Variants in SH2B3 observed in about 807,000 individuals in gnomAD.
SH2B3 encodes the protein SH2B adapter protein 3.
A neutral mutation model predicts 51.9 loss-of-function variants in SH2B3; 43 were observed. The ratio of observed to expected loss-of-function variants is 0.83; its 90% CI spans 0.65 to 1.07. The LOEUF (loss-of-function observed/expected upper bound fraction) is 1.07. Among genes scored for constraint, SH2B3 ranks in the 50% least tolerant of loss-of-function variants. The pLI is 0.00. For synonymous variants in SH2B3, 396 were observed against 376.0 expected (o/e 1.05, Z -0.62); for missense variants, 952 against 834.3 (o/e 1.14, Z -1.74).
At position 111,442,474 on chromosome 12, in the gene SH2B3, C is replaced by T. The variant is rs182823486; in HGVS notation, c.733-4279C>T. ...AGGCCTGTCCCACTGCTGCTGTACACCGATGAATGTGGGCTCAAAGGCTCT... is the reference window on the plus strand; with the variant it reads ...AGGCCTGTCCCACTGCTGCTGTACATCGATGAATGTGGGCTCAAAGGCTCT... On this transcript the variant is annotated intron_variant, in intron 2 of 7. Coordinates refer to ENST00000341259, the MANE Select transcript of SH2B3 (RefSeq NM_005475.3). 1.4e-3 allele frequency among the ~76,000 whole-genome samples: 212 copies of T among 152,286 alleles called. 1 individual carries two copies. The highest frequency in any genetic ancestry group is 3.7e-3 in the Admixed American group (56 of 15,300).
intron 2 of SH2B3, among the ~76,000 whole-genome samples, chr12:111,441,597 G>A (rs1378369243): frequency 6.6e-6 from 1 of 152,124 alleles, no homozygotes; most frequent in East Asian, 1.9e-4. Context: ...GACGCACCAC[G>A]TTTAAGGAGA....
intron 1 of SH2B3, among the ~76,000 whole-genome samples, chr12:111,413,491 G>A (rs1220287463): frequency 6.6e-6 from 1 of 152,202 alleles, no homozygotes; most frequent in Non-Finnish European, 1.5e-5. Context: ...GCCCAATGAG[G>A]GGGGTTCCCA....
chr12:111,417,069 TG>T (rs1178156706), intron 1 of SH2B3, among the ~76,000 whole-genome samples: 1 of 152,242 alleles, frequency 6.6e-6, no homozygotes, highest in Non-Finnish European at 1.5e-5. Context: ...TTCTGCCGTT[TG>T]CTTTTTCGCT....
intron 2 of SH2B3, among the ~76,000 whole-genome samples, chr12:111,425,812 C>T (rs1174435872): frequency 6.6e-6 from 1 of 152,110 alleles, no homozygotes; most frequent in Non-Finnish European, 1.5e-5. Context: ...CCCTGGGCAC[C>T]GCTGAGCCCC....
intron 2 of SH2B3, chr12:111,444,858 G>C (rs1328517837): frequency 2.0e-6 from 2 of 985,594 alleles, no homozygotes; most frequent in African/African-American, 3.5e-5. Context: ...CATACCACCA[G>C]GTAGCTGTGG....
chr12:111,418,164 C>CA lies in SH2B3; in HGVS notation c.20dup (p.Pro8AlafsTer24), dbSNP rs1476262682. 6.5e-7 allele frequency: 1 copy of CA among 1,535,826 alleles called. No individual in the cohort carries two copies. The highest frequency in any genetic ancestry group is 1.4e-5 in the African/African-American group (1 of 70,622). On this transcript the variant is annotated frameshift_variant, in exon 2 of 8. Transcript: ENST00000341259. LOFTEE classifies it high-confidence loss of function. The surrounding 1 kb of genome is among the most constrained non-coding windows in gnomAD (Gnocchi z 6.7). ...CTCCGCCATGAACGGGCCTGCCCTG[C>CA]AGCCCTCCTCGCCCTCTTCCGCGCC...
chr12:111,418,704 C>T lies in SH2B3; in HGVS notation c.559C>T (p.Leu187=). ...GLAKKFLPWS[L]AREPPPEALK... ...GGCCAAGAAGTTCCTGCCCTGGAGC[C>T]TGGCCCGGGAGCCGCCACCCGAGGC... The change falls in exon 2 of 8, where the codon CTG becomes TTG. Residue 187 remains leucine (L), a synonymous_variant. Coordinates refer to ENST00000341259, the MANE Select transcript of SH2B3 (RefSeq NM_005475.3). This position sits in a 1 kb window ranked among gnomAD's most constrained non-coding sequence, Gnocchi z 6.7. The T allele has an allele frequency of 1.3e-6, 2 of 1,486,580 alleles. No homozygotes were observed. Among genetic ancestry groups the T allele is most frequent in the Non-Finnish European group, 1.8e-6 (2 of 1,125,912 alleles). 92.1% of individuals were successfully genotyped at this position (1,486,580 alleles called of 1,614,324 possible).
In SH2B3 at chr12:111,418,301, T is replaced by G. The variant is rs775725883; in HGVS notation, c.156T>G (p.His52Gln). 216 of 1,533,154 alleles carry G rather than the reference T, an allele frequency of 1.4e-4. No homozygotes were observed. The highest frequency in any genetic ancestry group is 9.4e-4 in the Middle Eastern group (5 of 5,292). The allele number at this position is 1,533,154 out of a possible 1,614,324, so 95.0% of individuals were successfully genotyped here. ...ARQYWLFARE[H>Q]PQHAPLRAEL... ...AGTACTGGCTGTTCGCCCGGGAGCATCCGCAGCACGCGCCGCTGCGCGCCG... is the reference window on the plus strand; with the variant it reads ...AGTACTGGCTGTTCGCCCGGGAGCAGCCGCAGCACGCGCCGCTGCGCGCCG... The change falls in exon 2 of 8, where the codon CAT becomes CAG. Residue 52 changes from histidine to glutamine, a missense_variant. Transcript: ENST00000341259. The surrounding 1 kb of genome is among the most constrained non-coding windows in gnomAD (Gnocchi z 6.7).
In SH2B3 at chr12:111,450,790, C is replaced by T. The variant is rs1210662551; in HGVS notation, c.*2488C>T. On this transcript the variant is annotated 3_prime_UTR_variant, in exon 8 of 8. Transcript: ENST00000341259. The stretch of plus-strand genomic sequence containing the variant: ...CTAGGAAGAAGTGACACTAAGCCAA[C>T]ACCTTTCTTTATGTGGGAGCAGAAT... 3.3e-5 allele frequency: 5 copies of T among 152,316 alleles called. No homozygotes were observed. The highest frequency in any genetic ancestry group is 7.3e-5 in the Non-Finnish European group (5 of 68,092). 9.4% of individuals were successfully genotyped at this position (152,316 alleles called of 1,614,324 possible). A position where few individuals can be genotyped will look rare whatever the true frequency, so the allele number is the denominator to read the frequency against.
intron 1 of SH2B3, among the ~76,000 whole-genome samples, chr12:111,416,086 T>C (rs569052523): frequency 3.4e-4 from 51 of 151,646 alleles, no homozygotes; most frequent in Non-Finnish European, 4.7e-4. Context: ...GGACTACAGG[T>C]GCCTGCCACC....
At chr12:111,423,471 G>A (rs1021325708) in intron 2 of SH2B3, among the ~76,000 whole-genome samples, 2 of 152,096 alleles carry the variant, frequency 1.3e-5, no homozygotes, top group Non-Finnish European at 2.9e-5. Context: ...CCGGGTTCAT[G>A]CCATTCTCCT....
Position 111,418,361 on chromosome 12 carries a change from G to T in SH2B3, c.216G>T (p.Gln72His), listed in dbSNP as rs765818374. The change falls in exon 2 of 8, where the codon CAG (glutamine) becomes CAT (histidine). Residue 72 changes from glutamine (Q) to histidine (H), a missense_variant. Transcript: ENST00000341259. The surrounding 1 kb of genome is among the most constrained non-coding windows in gnomAD (Gnocchi z 6.7). ...LVSLQFTDLF[Q>H]RYFCREVRDG... is the part of the protein sequence containing the mutation. ...CGCTGCAGTTCACCGACCTCTTCCA[G>T]CGCTACTTCTGCCGCGAGGTGCGCG... 6.6e-7 allele frequency: 1 copy of T among 1,520,902 alleles called. No homozygotes were observed. The highest frequency in any genetic ancestry group is 8.8e-7 in the Non-Finnish European group (1 of 1,140,064). The allele number at this position is 1,520,902 out of a possible 1,614,324, so 94.2% of individuals were successfully genotyped here. A position where few individuals can be genotyped will look rare whatever the true frequency, so the allele number is the denominator to read the frequency against.
intron 2 of SH2B3, among the ~76,000 whole-genome samples, chr12:111,420,789 A>T (rs1436838030): frequency 1.3e-5 from 2 of 152,234 alleles, no homozygotes; most frequent in African/African-American, 4.8e-5. Flanking sequence ...TTGTGTTCTA[A>T]AACTGGTAAA....
At chr12:111,417,531 A>G (rs1211278867) in intron 1 of SH2B3, among the ~76,000 whole-genome samples, 3 of 150,022 alleles carry the variant, frequency 2.0e-5, no homozygotes, top group Admixed American at 6.7e-5. Context: ...CTGGCGTTCA[A>G]TGGCTGATCA....
chr12:111,427,388 GAAAAA>G (rs557658468), intron 2 of SH2B3, among the ~76,000 whole-genome samples: 5 of 83,028 alleles, frequency 6.0e-5, no homozygotes, highest in South Asian at 3.9e-4. Flanking sequence ...TCCATCTCAG[GAAAAA>G]AAAAAAAAAA....
chr12:111,443,227 A>T (rs1414375637), intron 2 of SH2B3, among the ~76,000 whole-genome samples: 1 of 152,214 alleles, frequency 6.6e-6, no homozygotes, highest in Non-Finnish European at 1.5e-5. Flanking sequence ...GGAGTCAGGG[A>T]GAGCTGCGTG....
chr12:111,435,462 GT>G lies in SH2B3; in HGVS notation c.733-11290del, dbSNP rs1872785616. On this transcript the variant is annotated intron_variant, in intron 2 of 7. Transcript: ENST00000341259. This position sits in a 1 kb window ranked among gnomAD's most constrained non-coding sequence, Gnocchi z 4.8. ...TGCAACCTCCGCCTCCCAGGTTCAG[GT>G]GATTCTCGTGCCTCAGCCTCCTGAG... is the stretch of plus-strand genomic sequence containing the variant. 6.6e-6 allele frequency among the ~76,000 whole-genome samples: 1 copy of G among 152,246 alleles called. No individual in the cohort carries two copies. Among genetic ancestry groups the G allele is most frequent in the South Asian group, 2.1e-4 (1 of 4,828 alleles).
rs1462628847 is a variant in SH2B3, at chr12:111,447,383, C to T, written c.1075C>T (p.Leu359=). Residue 359 remains leucine (L), a synonymous_variant, in exon 6 of 8, where the codon CTG becomes TTG. Coordinates refer to ENST00000341259, the MANE Select transcript of SH2B3 (RefSeq NM_005475.3). ...GGCCTGCCAGAAGACGGACCATTTCCTGTCCTGCTACCCCTGGTTCCACGG... is the reference window on the plus strand; with the variant it reads ...GGCCTGCCAGAAGACGGACCATTTCTTGTCCTGCTACCCCTGGTTCCACGG... The part of the protein sequence containing the change: ...DPACQKTDHF[L]SCYPWFHGPI... The T allele has an allele frequency of 8.1e-6, 13 of 1,614,034 alleles. No individual in the cohort carries two copies. Among genetic ancestry groups the T allele is most frequent in the Admixed American group, 1.7e-5 (1 of 60,012 alleles).
Position 111,410,978 on chromosome 12 carries a change from G to GGT in SH2B3, c.-28+4705_-28+4706dup, listed in dbSNP as rs1304446770. Among the ~76,000 whole-genome samples, 1 of 152,178 alleles carries GGT rather than the reference G, an allele frequency of 6.6e-6. No individual in the cohort carries two copies. The highest frequency in any genetic ancestry group is 2.4e-5 in the African/African-American group (1 of 41,442). ...CCCTGGAGGAAGTGTCCCCTCTGAA[G>GGT]GTGTGAGACTTCCTGCCTATATCTG... is the stretch of plus-strand genomic sequence containing the variant. On this transcript the variant is annotated intron_variant, in intron 1 of 7. Coordinates refer to ENST00000341259, the MANE Select transcript of SH2B3 (RefSeq NM_005475.3). This position sits in a 1 kb window ranked among gnomAD's most constrained non-coding sequence, Gnocchi z 4.9.
Sources: gnomAD v4.1 joint callset for allele counts (sites outside exome capture counted in the v4.1 genomes callset) on GRCh38, gnomAD v4.1.1 for gene constraint, Gnocchi (gnomAD v3.1) non-coding constraint, MANE v1.5 for transcripts, NCBI Gene and HGNC (gene_info 2026-07-23, HGNC 2026-07-21) for gene names.